WWOX: variants seen among roughly 807,000 people sequenced by gnomAD.
WWOX encodes WW domain containing oxidoreductase, also known as WW domain-containing oxidoreductase.
In WWOX, 69 loss-of-function variants were observed where a neutral mutation model predicts 46.2. The ratio of observed to expected loss-of-function variants is 1.49; its 90% confidence interval spans 1.23 to 1.82. The LOEUF is 1.82. WWOX is among the 40% of genes most tolerant of loss of function. The pLI, the probability that WWOX is intolerant of heterozygous loss-of-function variation, is 0.00. For missense variants in WWOX, 919 were observed against 542.6 expected (o/e 1.69, Z -6.89); for synonymous variants, 359 against 202.6 (o/e 1.77, Z -6.56).
At chr16:78,570,844 G>A (rs568121868) in intron 8 of WWOX, among the ~76,000 whole-genome samples, 2 of 152,278 alleles carry the variant, frequency 1.3e-5, no homozygotes, top group Non-Finnish European at 2.9e-5. Context: ...GAAGGCGGGC[G>A]GGGCAAGCTT....
intron 8 of WWOX, among the ~76,000 whole-genome samples, chr16:78,766,442 G>A (rs1323720965): frequency 6.6e-6 from 1 of 152,228 alleles, no homozygotes; most frequent in East Asian, 1.9e-4. Context: ...AAAAAATTTA[G>A]CCGGCTGTCG....
chr16:78,927,164 A>G (rs1304949942), intron 8 of WWOX, among the ~76,000 whole-genome samples: 1 of 152,186 alleles, frequency 6.6e-6, no homozygotes, highest in African/African-American at 2.4e-5. Context: ...CTCCTGTATA[A>G]AATGGACCTT....
At chr16:78,508,860 TC>T (rs2085284395) in intron 8 of WWOX, among the ~76,000 whole-genome samples, 2 of 152,206 alleles carry the variant, frequency 1.3e-5, no homozygotes, top group Non-Finnish European at 2.9e-5. Context: ...TTGGTCTCTG[TC>T]AAACCTACCA....
intron 5 of WWOX, among the ~76,000 whole-genome samples, chr16:78,186,112 C>T (rs2035694036): frequency 6.6e-6 from 1 of 152,028 alleles, no homozygotes; most frequent in African/African-American, 2.4e-5. Flanking sequence ...AACATGACTC[C>T]CAGGTTTCAG....
At chr16:78,510,745 A>G (rs1231508788) in intron 8 of WWOX, among the ~76,000 whole-genome samples, 1 of 137,658 alleles carries the variant, frequency 7.3e-6, no homozygotes, top group Non-Finnish European at 1.5e-5. Flanking sequence ...TATGATAAAC[A>G]TATGTGTGTA....
At chr16:78,551,712 C>T (rs1282694025) in intron 8 of WWOX, 2 of 152,056 alleles carry the variant, frequency 1.3e-5, no homozygotes, top group African/African-American at 4.8e-5. Flanking sequence ...GCTTAACACC[C>T]CAGCCTCCCA....
At chr16:79,048,430 T>C (rs1445874326) in intron 8 of WWOX, among the ~76,000 whole-genome samples, 1 of 152,058 alleles carries the variant, frequency 6.6e-6, no homozygotes, top group Non-Finnish European at 1.5e-5. Flanking sequence ...TCCCCCGTGA[T>C]GTAATTAGGG....
chr16:78,863,821 C>G (rs188074051), intron 8 of WWOX, among the ~76,000 whole-genome samples: 91 of 152,324 alleles, frequency 6.0e-4, no homozygotes, highest in Non-Finnish European at 1.2e-3. Flanking sequence ...TCTCAAAAAA[C>G]TATGTCCACA....
intron 8 of WWOX, among the ~76,000 whole-genome samples, chr16:78,703,506 C>T (rs1567502799): frequency 6.6e-6 from 1 of 151,972 alleles, no homozygotes; most frequent in Non-Finnish European, 1.5e-5. Flanking sequence ...GCTCCAGCTA[C>T]TCAGAGGGAG....
chr16:79,166,603 G>T (rs1479231102), intron 8 of WWOX, among the ~76,000 whole-genome samples: 1 of 152,038 alleles, frequency 6.6e-6, no homozygotes, highest in Non-Finnish European at 1.5e-5. Context: ...CTTATTTTTC[G>T]AGTTGTGCTG....
At chr16:78,252,866 C>A (rs957447822) in intron 5 of WWOX, among the ~76,000 whole-genome samples, 2 of 152,304 alleles carry the variant, frequency 1.3e-5, no homozygotes, top group Non-Finnish European at 2.9e-5. Flanking sequence ...GCATGCATTA[C>A]AAATGGCAAT....
intron 8 of WWOX, among the ~76,000 whole-genome samples, chr16:79,076,510 C>T (rs750562377): frequency 3.9e-5 from 6 of 152,186 alleles, no homozygotes; most frequent in South Asian, 2.1e-4. Flanking sequence ...GTGCATCCTC[C>T]GTGCCAGCCC....
At chr16:79,120,979 G>C (rs937320262) in intron 8 of WWOX, among the ~76,000 whole-genome samples, 3 of 152,094 alleles carry the variant, frequency 2.0e-5, no homozygotes, top group Non-Finnish European at 2.9e-5. Flanking sequence ...ATGTTGGCCA[G>C]GCTGGTTTCG....
At chr16:78,387,543 C>G (rs1021287395) in intron 6 of WWOX, among the ~76,000 whole-genome samples, 1 of 152,122 alleles carries the variant, frequency 6.6e-6, no homozygotes, top group Non-Finnish European at 1.5e-5. Flanking sequence ...GCTAGCATCC[C>G]TTTCTAACAG....
chr16:78,352,504 G>A (rs2081205873), intron 5 of WWOX, among the ~76,000 whole-genome samples: 1 of 152,166 alleles, frequency 6.6e-6, no homozygotes, highest in Non-Finnish European at 1.5e-5. Flanking sequence ...CAAAGCCAGG[G>A]ATGGCTGCTC....
chr16:78,399,335 C>G (rs78314485), intron 6 of WWOX, among the ~76,000 whole-genome samples: 3,855 of 152,290 alleles, frequency 0.025, 159 homozygotes, highest in African/African-American at 0.086. Flanking sequence ...TGGGAAACAA[C>G]TTCTAAAGTA....
At chr16:78,511,436 A>G (rs1348255039) in intron 8 of WWOX, among the ~76,000 whole-genome samples, 2 of 152,218 alleles carry the variant, frequency 1.3e-5, no homozygotes, top group Non-Finnish European at 2.9e-5. Context: ...TTGCAATCCC[A>G]TGCACGTTGC....
At chr16:78,443,996 T>G (rs1041047091) in intron 8 of WWOX, among the ~76,000 whole-genome samples, 16 of 152,186 alleles carry the variant, frequency 1.1e-4, no homozygotes, top group Non-Finnish European at 2.1e-4. Context: ...CAGTGATTTT[T>G]GTATAACTCA....
intron 8 of WWOX, among the ~76,000 whole-genome samples, chr16:79,211,140 C>T (rs2051728514): frequency 6.6e-6 from 1 of 151,972 alleles, no homozygotes; most frequent in South Asian, 2.1e-4. Flanking sequence ...CTGGCAGCAG[C>T]CCCACTTGGG....
Sources: allele counts gnomAD v4.1 joint callset (sites outside exome capture counted in the v4.1 genomes callset), GRCh38; gene constraint gnomAD v4.1.1; transcripts MANE v1.5; gene names NCBI Gene and HGNC (gene_info 2026-07-23, HGNC 2026-07-21).